Variants in IGSF11 observed in about 807,000 individuals in gnomAD.
The protein encoded by IGSF11 is immunoglobulin superfamily member 11.
IGSF11 carries 22 observed loss-of-function variants against 41.0 expected under a neutral mutation model. That is an observed-to-expected ratio of 0.54 (90% CI 0.38 to 0.77). The LOEUF is 0.77. Ranked by LOEUF, IGSF11 falls within the 30% of genes least tolerant of loss-of-function variation. The pLI is 0.00. For missense variants in IGSF11, 444 were observed against 530.8 expected, an observed-to-expected ratio of 0.84 and a Z score of 1.61; for synonymous variants, 219 against 201.3, an observed-to-expected ratio of 1.09 and a Z score of -0.74.
At chr3:119,067,624 GA>G (rs970402331) in intron 1 of IGSF11, among the ~76,000 whole-genome samples, 5 of 151,802 alleles carry the variant, frequency 3.3e-5, no homozygotes, top group African/African-American at 9.7e-5. Context: ...GTACTGTGGG[GA>G]AAAAACTTTA....
chr3:118,911,337 T>C (rs1402108138), intron 4 of IGSF11, among the ~76,000 whole-genome samples: 1 of 152,148 alleles, frequency 6.6e-6, no homozygotes, highest in East Asian at 1.9e-4. Flanking sequence ...ATTCAGCACT[T>C]TTAGTGGGTG....
intron 1 of IGSF11, among the ~76,000 whole-genome samples, chr3:119,059,503 A>G (rs897490920): frequency 2.0e-5 from 3 of 152,190 alleles, no homozygotes; most frequent in African/African-American, 4.8e-5. Flanking sequence ...AGAATTCACC[A>G]ATAATGAACT....
chr3:119,063,763 T>C (rs1942129954), intron 1 of IGSF11, among the ~76,000 whole-genome samples: 2 of 152,212 alleles, frequency 1.3e-5, no homozygotes, highest in Admixed American at 6.5e-5. Context: ...AATCAGAGGA[T>C]ACTACATAGA....
intron 1 of IGSF11, 39 bp downstream of exon 1, chr3:119,034,492 G>C: frequency 6.6e-7 from 1 of 1,516,314 alleles, no homozygotes; most frequent in Non-Finnish European, 8.9e-7. Context: ...CGCCGACCCG[G>C]CCTGGCCCCA....
At chr3:119,039,829 A>C (rs1489084270), upstream of IGSF11, among the ~76,000 whole-genome samples, 1 of 152,178 alleles carries the variant, frequency 6.6e-6, no homozygotes, top group Admixed American at 6.5e-5. Context: ...GTCGTAACTG[A>C]CCATTGAAAC....
chr3:119,108,186 C>T (rs200129942), upstream of IGSF11, among the ~76,000 whole-genome samples: 3,763 of 74,658 alleles, frequency 0.05, no homozygotes, highest in South Asian at 0.1. Context: ...GGCAGTATGG[C>T]CATTTTCACG....
At chr3:119,130,556 G>C (rs1254400742) in intron 1 of IGSF11, among the ~76,000 whole-genome samples, 2 of 152,228 alleles carry the variant, frequency 1.3e-5, no homozygotes, top group African/African-American at 4.8e-5. Context: ...TGGTCAGGAA[G>C]CTCGAACTGG....
At chr3:119,090,664 G>C (rs1445452281) in intron 1 of IGSF11, among the ~76,000 whole-genome samples, 1 of 152,178 alleles carries the variant, frequency 6.6e-6, no homozygotes, top group Non-Finnish European at 1.5e-5. Context: ...AATTGTGATA[G>C]AATAACTAGC....
chr3:118,902,413 ATATAAT>A lies in IGSF11; in HGVS notation c.*101_*106del, dbSNP rs1025606724. ...GCCTTCTTCTTTGTGCATTTTACTA[ATATAAT>A]TATAAGGAAGTGTTTCTTTCCCAGC... is the stretch of plus-strand genomic sequence containing the variant. On this transcript the variant is annotated 3_prime_UTR_variant, in exon 7 of 7. Transcript: ENST00000393775. 4.1e-5 allele frequency: 35 copies of A among 847,940 alleles called. No individual in the cohort carries two copies. In the African/African-American group the frequency reaches 5.6e-4, roughly 14 times the overall value. The allele number at this position is 847,940 out of a possible 1,614,324, so 52.5% of individuals were successfully genotyped here.
At chr3:119,115,911 C>T (rs2077249997) in intron 1 of IGSF11, among the ~76,000 whole-genome samples, 2 of 152,176 alleles carry the variant, frequency 1.3e-5, no homozygotes, top group Admixed American at 1.3e-4. Context: ...TATTTGCTAT[C>T]ACAAAAGCCT....
chr3:118,954,912 C>T (rs1944838964), intron 1 of IGSF11, among the ~76,000 whole-genome samples: 1 of 151,950 alleles, frequency 6.6e-6, no homozygotes, highest in African/African-American at 2.4e-5. Context: ...TAGATATTGG[C>T]ATGGATGAGG....
chr3:119,077,081 T>C (rs1364782195), intron 1 of IGSF11, among the ~76,000 whole-genome samples: 1 of 152,170 alleles, frequency 6.6e-6, no homozygotes, highest in Admixed American at 6.5e-5. Context: ...TGGAATACTG[T>C]GCAGCCATAT....
chr3:119,074,813 C>T lies in IGSF11; in HGVS notation c.49+30331G>A, dbSNP rs151104409. 0.015 allele frequency among the ~76,000 whole-genome samples: 2,268 copies of T among 152,120 alleles called. 89 individuals carry two copies. The East Asian group carries it at 0.16, about 10-fold the overall frequency. ...CTTGCAGTGAGCTGAGATCGCACCA[C>T]TGCACTCCAGCCTGGGCGACAGAGC... On this transcript the variant is annotated intron_variant, in intron 1 of 6. Transcript: ENST00000354673.
rs533286376 is a variant in IGSF11, at chr3:118,928,455, G to T, written c.424+54C>A. ...AACAAGGGCAGAAGCAAGTATGCTTGAGAGTAGCTTCGTGAGTAAAGCCCG... is the reference window on the plus strand; with the variant it reads ...AACAAGGGCAGAAGCAAGTATGCTTTAGAGTAGCTTCGTGAGTAAAGCCCG... On this transcript the variant is annotated intron_variant, in intron 3 of 6. Transcript: ENST00000393775. The T allele has an allele frequency of 4.3e-6, 6 of 1,402,442 alleles. No homozygotes were observed. In the African/African-American group the frequency reaches 7.1e-5, roughly 17 times the overall value. The allele number at this position is 1,402,442 out of a possible 1,614,324, so 86.9% of individuals were successfully genotyped here.
chr3:118,925,425 C>T (rs989286011), intron 4 of IGSF11, among the ~76,000 whole-genome samples: 1 of 152,104 alleles, frequency 6.6e-6, no homozygotes, highest in Non-Finnish European at 1.5e-5. Flanking sequence ...ACGTAATATT[C>T]GAAGCTGCTA....
chr3:118,934,629 A>G (rs1943102059), intron 1 of IGSF11, among the ~76,000 whole-genome samples: 1 of 152,120 alleles, frequency 6.6e-6, no homozygotes, highest in Non-Finnish European at 1.5e-5. Context: ...GGCTACCTCA[A>G]AGGCACCTCA....
intron 1 of IGSF11, among the ~76,000 whole-genome samples, chr3:118,991,056 A>T (rs1449675959): frequency 6.6e-6 from 1 of 152,254 alleles, no homozygotes; most frequent in African/African-American, 2.4e-5. Context: ...AGAGATCCAG[A>T]GAATTGCATC....
chr3:119,067,638 T>TG (rs1942273460), intron 1 of IGSF11, among the ~76,000 whole-genome samples: 1 of 143,574 alleles, frequency 7.0e-6, no homozygotes, highest in African/African-American at 3.0e-5. Context: ...AAACTTTAGA[T>TG]TTTTTTTTAG....
At chr3:118,960,377 C>T (rs1011801861) in intron 1 of IGSF11, among the ~76,000 whole-genome samples, 1 of 152,232 alleles carries the variant, frequency 6.6e-6, no homozygotes, top group East Asian at 1.9e-4. Context: ...ATTTTTCTAA[C>T]TGCTTTTGAA....
Sources: allele counts gnomAD v4.1 joint callset (sites outside exome capture counted in the v4.1 genomes callset), GRCh38; gene constraint gnomAD v4.1.1; transcripts MANE v1.5; gene names NCBI Gene and HGNC (gene_info 2026-07-23, HGNC 2026-07-21).